COL4A5: variants seen among roughly 807,000 people sequenced by gnomAD.
COL4A5 encodes collagen alpha-5(IV) chain.
Under a neutral mutation model 130.2 loss-of-function variants are expected in COL4A5, and 26 were observed. The observed-to-expected ratio is 0.20, with a 90% CI of 0.15 to 0.28. The LOEUF (loss-of-function observed/expected upper bound fraction) is 0.28. COL4A5 is among the 10% of genes least tolerant of loss of function. The pLI, the probability that COL4A5 is intolerant of heterozygous loss-of-function variation, is 1.00. For missense variants in COL4A5, 1,131 were observed against 1,344.3 expected, an observed-to-expected ratio of 0.84 and a Z score of 2.48; for synonymous variants, 496 against 439.6, an observed-to-expected ratio of 1.13 and a Z score of -1.60.
intron 1 of COL4A5, among the ~76,000 whole-genome samples, chrX:108,471,090 C>T (rs141638097): frequency 3.1e-3 from 350 of 111,521 alleles, no homozygotes; most frequent in Non-Finnish European, 5.4e-3. Flanking sequence ...AGGCCTCCAG[C>T]TTTGTTCTTT....
intron 2 of COL4A5, among the ~76,000 whole-genome samples, chrX:108,554,489 G>T: frequency 1.8e-5 from 2 of 111,277 alleles, no homozygotes; most frequent in South Asian, 7.7e-4. Flanking sequence ...CAACACTTGG[G>T]GATTATGTGG....
chrX:108,633,575 A>T (rs1394403457), intron 36 of COL4A5, among the ~76,000 whole-genome samples: 2 of 111,324 alleles, frequency 1.8e-5, no homozygotes, highest in Non-Finnish European at 3.8e-5. Context: ...TACTAATGGA[A>T]TCAAAATTAC....
intron 28 of COL4A5, among the ~76,000 whole-genome samples, 192 bp from the exon 29 acceptor site, chrX:108,606,550 A>G (rs1286073945): frequency 9.0e-6 from 1 of 110,502 alleles, no homozygotes; most frequent in Non-Finnish European, 1.9e-5. Flanking sequence ...TTGTTTTACT[A>G]AACCCTGTTT....
chrX:108,567,671 T>C (rs2065994170), intron 4 of COL4A5, among the ~76,000 whole-genome samples: 1 of 111,614 alleles, frequency 9.0e-6, no homozygotes, highest in Non-Finnish European at 1.9e-5. Flanking sequence ...CTCACAATCA[T>C]GGCAGAAGAT....
At chrX:108,461,697 C>T (rs1252548970) in intron 1 of COL4A5, among the ~76,000 whole-genome samples, 2 of 110,816 alleles carry the variant, frequency 1.8e-5, no homozygotes, top group South Asian at 3.8e-4. Flanking sequence ...GGGTTCAAGC[C>T]GTTCTCCTGC....
chrX:108,472,841 C>T (rs186552987), intron 1 of COL4A5, among the ~76,000 whole-genome samples: 4 of 111,754 alleles, frequency 3.6e-5, no homozygotes, highest in East Asian at 2.8e-4. Flanking sequence ...TTTGAGGAAC[C>T]GCCATACTGT....
chrX:108,451,942 G>A (rs1420222980), intron 1 of COL4A5, among the ~76,000 whole-genome samples: 1 of 111,660 alleles, frequency 9.0e-6, no homozygotes, highest in Non-Finnish European at 1.9e-5. Flanking sequence ...TTCTTCTAGG[G>A]TTTTTATGGT....
Position 108,606,731 on chromosome X carries a change from G to A in COL4A5, c.2245-11G>A. Reference sequence around the variant, plus strand: ...GAGTTTTTGTTGTGTTTTGTCATGTGTATGCTCAAGGGTGAACCAGGATTT... The same window carrying A: ...GAGTTTTTGTTGTGTTTTGTCATGTATATGCTCAAGGGTGAACCAGGATTT... On this transcript the variant is annotated splice_polypyrimidine_tract_variant and intron_variant, in intron 28 of 52. Transcript: ENST00000328300. The A allele has an allele frequency of 8.3e-7, 1 of 1,211,192 alleles. No individual in the cohort carries two copies. Among genetic ancestry groups the A allele is most frequent in the Non-Finnish European group, 1.1e-6 (1 of 894,968 alleles).
intron 1 of COL4A5, among the ~76,000 whole-genome samples, chrX:108,534,188 G>T (rs762137434): frequency 3.6e-5 from 4 of 109,875 alleles, no homozygotes; most frequent in Non-Finnish European, 5.7e-5. Flanking sequence ...AAGAAAGAAA[G>T]AAACTAAACA....
intron 31 of COL4A5, among the ~76,000 whole-genome samples, chrX:108,620,808 G>A (rs916955853): frequency 9.0e-6 from 1 of 111,110 alleles, no homozygotes; most frequent in African/African-American, 3.3e-5. Flanking sequence ...CTGACATCTG[G>A]GTGTTCATTA....
intron 1 of COL4A5, among the ~76,000 whole-genome samples, chrX:108,524,337 T>C (rs2065293462): frequency 9.1e-6 from 1 of 110,437 alleles, no homozygotes; most frequent in Non-Finnish European, 1.9e-5. Flanking sequence ...GTTGAGGAAT[T>C]TCCCTGTTAT....
At position 108,584,545 on chromosome X, in the gene COL4A5, T is replaced by A. The variant is rs2066303918; in HGVS notation, c.1032+20T>A. On this transcript the variant is annotated intron_variant, in intron 18 of 52. Transcript: ENST00000328300. Reference sequence around the variant, plus strand: ...GGACTTGTAAGTTTTTTTTTTTTAGTCTTCGTTTATCAAATTTATTAATGC... The same window carrying A: ...GGACTTGTAAGTTTTTTTTTTTTAGACTTCGTTTATCAAATTTATTAATGC... 1 of 1,151,493 alleles carries A rather than the reference T, an allele frequency of 8.7e-7. No individual in the cohort carries two copies. The highest frequency in any genetic ancestry group is 1.8e-5 in the African/African-American group (1 of 55,091). 94.9% of individuals were successfully genotyped at this position (1,151,493 alleles called of 1,213,427 possible).
intron 36 of COL4A5, among the ~76,000 whole-genome samples, chrX:108,639,189 A>G: frequency 9.0e-6 from 1 of 111,261 alleles, no homozygotes; most frequent in Non-Finnish European, 1.9e-5. Flanking sequence ...TGTGGTGCTG[A>G]CATAAAGACA....
chrX:108,528,375 C>A (rs917679821), intron 1 of COL4A5, among the ~76,000 whole-genome samples: 19 of 112,345 alleles, frequency 1.7e-4, no homozygotes, highest in Admixed American at 3.8e-4. Flanking sequence ...AGAAAAATAT[C>A]CTTCCCTATG....
At chrX:108,563,853 C>T in intron 3 of COL4A5, 29 bp from the exon 4 acceptor site, 1 of 1,196,283 alleles carries the variant, frequency 8.4e-7, no homozygotes, top group Admixed American at 2.2e-5. Flanking sequence ...TTTTGACGGA[C>T]AAAAACCTAA....
chrX:108,542,349 C>T (rs1377572260), intron 2 of COL4A5, among the ~76,000 whole-genome samples: 1 of 105,052 alleles, frequency 9.5e-6, no homozygotes, highest in Non-Finnish European at 1.9e-5. Context: ...TGAATGAGAA[C>T]ATGCAGTGTT....
At chrX:108,552,186 G>A (rs142139671) in intron 2 of COL4A5, among the ~76,000 whole-genome samples, 1,233 of 110,828 alleles carry the variant, frequency 0.011, 19 homozygotes, top group African/African-American at 0.037. Context: ...ACCTGCACCT[G>A]TACCCCCGAA....
chrX:108,654,471 G>T (rs2067796765), intron 36 of COL4A5, among the ~76,000 whole-genome samples: 1 of 112,527 alleles, frequency 8.9e-6, no homozygotes. Context: ...TTAAGAGGCA[G>T]GGCTCCCTCT....
chrX:108,509,970 C>G lies in COL4A5; in HGVS notation c.82-29776C>G, dbSNP rs138915749. On this transcript the variant is annotated intron_variant, in intron 1 of 52. Transcript: ENST00000328300. ...TACATTTACACCATGGAATACTATGCAGGCATAAAAAAGAATGATCTCATG... is the reference window on the plus strand; with the variant it reads ...TACATTTACACCATGGAATACTATGGAGGCATAAAAAAGAATGATCTCATG... 3.6e-5 allele frequency among the ~76,000 whole-genome samples: 4 copies of G among 112,312 alleles called. No homozygotes were observed. The East Asian group carries it at 8.4e-4, about 24-fold the overall frequency.
Sources: allele counts gnomAD v4.1 joint callset (sites outside exome capture counted in the v4.1 genomes callset), GRCh38; gene constraint gnomAD v4.1.1; transcripts MANE v1.5; gene names NCBI Gene and HGNC (gene_info 2026-07-23, HGNC 2026-07-21).